The following CIZ1 variants were observed in gnomAD, a reference collection of about 807,000 sequenced individuals.
CIZ1 encodes CDKN1A interacting zinc finger protein 1, also known as cip1-interacting zinc finger protein.
Under a neutral mutation model 118.6 loss-of-function variants are expected in CIZ1, and 58 were observed. The observed-to-expected ratio is 0.49, with a 90% CI of 0.40 to 0.61. The LOEUF (loss-of-function observed/expected upper bound fraction) is 0.61, where lower values mean the gene tolerates loss of function less well. CIZ1 is among the 20% of genes least tolerant of loss of function. The pLI, the probability that CIZ1 is intolerant of heterozygous loss-of-function variation, is 0.00. For missense variants in CIZ1, 921 were observed against 1,115.9 expected (o/e 0.83, Z 2.49); for synonymous variants, 448 against 443.4 (o/e 1.01, Z -0.13).
chr9:128,191,863 G>A, upstream of CIZ1: 1 of 1,469,620 alleles, frequency 6.8e-7, no homozygotes, highest in Non-Finnish European at 9.0e-7. This position sits in a 1 kb window ranked among gnomAD's most constrained non-coding sequence, Gnocchi z 5.5. Context: ...ACCTCCCTGC[G>A]GCCGCCGCGG....
chr9:128,173,069 A>G (rs933247365), intron 11 of CIZ1, among the ~76,000 whole-genome samples: 2 of 151,260 alleles, frequency 1.3e-5, no homozygotes, highest in African/African-American at 4.9e-5. Flanking sequence ...GGCTCGAGCA[A>G]TCCTCCCACC....
Position 128,203,427 on chromosome 9 carries a change from C to A in CIZ1, c.-6+759G>T. On this transcript the variant is annotated intron_variant, in intron 1 of 17. Coordinates refer to the CIZ1 transcript ENST00000372948. The surrounding 1 kb of genome is among the most constrained non-coding windows in gnomAD (Gnocchi z 5.3). ...GCGGAGCCGGAGTCGGAGCCGGGAG[C>A]GCTAGCGGCAGCCGGATCGCAGCCT... 2 of 1,414,960 alleles carry A rather than the reference C, an allele frequency of 1.4e-6. No homozygotes were observed. The highest frequency in any genetic ancestry group is 1.9e-6 in the Non-Finnish European group (2 of 1,080,588). 87.7% of individuals were successfully genotyped at this position (1,414,960 alleles called of 1,614,324 possible).
At chr9:128,176,167 G>A (rs1278023532) in intron 11 of CIZ1, among the ~76,000 whole-genome samples, 184 bp downstream of exon 11, 4 of 152,176 alleles carry the variant, frequency 2.6e-5, no homozygotes, top group East Asian at 3.8e-4. Flanking sequence ...TACTATATCC[G>A]TCACCAAGCC....
In CIZ1 at chr9:128,179,427, C is replaced by A. The variant is rs45442198; in HGVS notation, c.792-12G>T. 3.3e-3 allele frequency: 4,981 copies of A among 1,525,434 alleles called. 87 individuals carry two copies. The East Asian group carries it at 0.047, about 14-fold the overall frequency. The allele number at this position is 1,525,434 out of a possible 1,614,324, so 94.5% of individuals were successfully genotyped here. On this transcript the variant is annotated splice_polypyrimidine_tract_variant and intron_variant, in intron 7 of 16. Transcript: ENST00000372938. ...TGGGCTCTTCTGAGCTAGGAAGGATCAAAAAAAAATCCCAGTCATGTCTTC... is the reference window on the plus strand; with the variant it reads ...TGGGCTCTTCTGAGCTAGGAAGGATAAAAAAAAAATCCCAGTCATGTCTTC...
Position 128,203,697 on chromosome 9 carries a change from G to A in CIZ1, c.-6+489C>T. The A allele has an allele frequency of 7.4e-7, 1 of 1,358,814 alleles. No individual in the cohort carries two copies. Among genetic ancestry groups the A allele is most frequent in the Non-Finnish European group, 9.5e-7 (1 of 1,056,724 alleles). 84.2% of individuals were successfully genotyped at this position (1,358,814 alleles called of 1,614,324 possible). A position where few individuals can be genotyped will look rare whatever the true frequency, so the allele number is the denominator to read the frequency against. On this transcript the variant is annotated intron_variant, in intron 1 of 17. Coordinates refer to the CIZ1 transcript ENST00000372948. This position sits in a 1 kb window ranked among gnomAD's most constrained non-coding sequence, Gnocchi z 5.3. ...GGGATCCCTGGAGTCCCCGCCCGGGGCACTGACGGCGCGGCGACCTCGCAG... is the reference window on the plus strand; with the variant it reads ...GGGATCCCTGGAGTCCCCGCCCGGGACACTGACGGCGCGGCGACCTCGCAG...
intron 5 of CIZ1, among the ~76,000 whole-genome samples, chr9:128,183,482 T>C (rs45532442): frequency 1.7e-3 from 255 of 152,262 alleles, no homozygotes; most frequent in African/African-American, 5.9e-3. Context: ...TGGCCCGCCC[T>C]GGAGTGGCCA....
At chr9:128,180,919 G>A (rs1052154082) in intron 5 of CIZ1, 105 bp from the exon 6 acceptor site, 7 of 807,012 alleles carry the variant, frequency 8.7e-6, no homozygotes, top group Non-Finnish European at 1.4e-5. Context: ...ACAGGGCCCT[G>A]AGGACCTCTG....
Position 128,169,041 on chromosome 9 carries a change from C to A in CIZ1, c.2295+11G>T, listed in dbSNP as rs1829797207. 1 of 1,613,624 alleles carries A rather than the reference C, an allele frequency of 6.2e-7. No homozygotes were observed. Among genetic ancestry groups the A allele is most frequent in the South Asian group, 1.1e-5 (1 of 91,042 alleles). ...GCACCAAGCCCGCCTCCCACACCCT[C>A]CCCCCAGCACCTGCTTGCAGAGTTC... On this transcript the variant is annotated intron_variant, in intron 14 of 16. Coordinates refer to ENST00000372938, the MANE Select transcript of CIZ1 (RefSeq NM_001131016.2).
chr9:128,192,598 A>C (rs1057194775), upstream of CIZ1, among the ~76,000 whole-genome samples: 12 of 152,072 alleles, frequency 7.9e-5, no homozygotes, highest in Non-Finnish European at 1.8e-4. Context: ...GCTGAAGTGC[A>C]GTGGCACGAT....
chr9:128,189,379 G>A (rs2131020336), intron 3 of CIZ1, among the ~76,000 whole-genome samples: 1 of 152,328 alleles, frequency 6.6e-6, no homozygotes, highest in South Asian at 2.1e-4. Context: ...ATGTGGCCCT[G>A]ACAGGTCCAC....
rs897420663 is a variant in CIZ1 at position 128,191,395 on chromosome 9, G to A, written c.-6+37C>T. The A allele has an allele frequency of 1.2e-6, 1 of 822,788 alleles. No homozygotes were observed. The highest frequency in any genetic ancestry group is 6.2e-5 in the Admixed American group (1 of 16,254). The allele number at this position is 822,788 out of a possible 1,614,324, so 51.0% of individuals were successfully genotyped here. A position where few individuals can be genotyped will look rare whatever the true frequency, so the allele number is the denominator to read the frequency against. The stretch of plus-strand genomic sequence containing the variant: ...CTCCGCAGACACAGCCAGCTCGCAG[G>A]CGGAGCCCCACGACCCAGCCGCCCC... On this transcript the variant is annotated intron_variant, in intron 1 of 16. Coordinates refer to ENST00000372938, the MANE Select transcript of CIZ1 (RefSeq NM_001131016.2). The surrounding 1 kb of genome is among the most constrained non-coding windows in gnomAD (Gnocchi z 5.5).
intron 3 of CIZ1, among the ~76,000 whole-genome samples, chr9:128,189,824 CAAAAAAAAAAAAAA>C (rs56177059): frequency 6.6e-4 from 28 of 42,278 alleles, no homozygotes; most frequent in East Asian, 2.3e-3. Context: ...AACTCTGTCT[CAAAAAAAAAAAAAA>C]AAAAAAAAAA....
At chr9:128,194,435 T>C (rs2131040827), upstream of CIZ1, among the ~76,000 whole-genome samples, 1 of 151,584 alleles carries the variant, frequency 6.6e-6, no homozygotes, top group African/African-American at 2.4e-5. Flanking sequence ...TGTAGGAGTC[T>C]AGCCTAAGAA....
chr9:128,190,113 T>C (rs1832943045), intron 3 of CIZ1, among the ~76,000 whole-genome samples: 1 of 152,210 alleles, frequency 6.6e-6, no homozygotes, highest in African/African-American at 2.4e-5. Flanking sequence ...GCCAGCACCA[T>C]GGCCAAGGAC....
intron 3 of CIZ1, 90 bp from the exon 4 acceptor site, chr9:128,188,024 T>G: frequency 3.5e-6 from 1 of 289,152 alleles, no homozygotes. Flanking sequence ...AAACAACATA[T>G]TCATCCCAGG....
In CIZ1 at chr9:128,190,757, T is replaced by TGCTGCTGCTGCAATTGCTGCTGCTGGA; in HGVS notation, c.74_100dup (p.Leu25_Gln33dup). ...GAGCAGCTGCTGGAGCTGCAGTAAC[T>TGCTGCTGCTGCAATTGCTGCTGCTGGA]GCTGCTGCTGCAATTGCTGCTGCTG... On this transcript the variant is annotated inframe_insertion, in exon 2 of 17. Transcript: ENST00000372938. The TGCTGCTGCTGCAATTGCTGCTGCTGGA allele has an allele frequency of 6.5e-7, 1 of 1,540,130 alleles. No individual in the cohort carries two copies. Among genetic ancestry groups the TGCTGCTGCTGCAATTGCTGCTGCTGGA allele is most frequent in the African/African-American group, 1.4e-5 (1 of 73,048 alleles).
chr9:128,166,737 C>T lies in CIZ1; in HGVS notation c.2487+22G>A. 2.5e-6 allele frequency: 4 copies of T among 1,614,096 alleles called. No individual in the cohort carries two copies. The highest frequency in any genetic ancestry group is 1.7e-5 in the Admixed American group (1 of 60,026). Reference sequence around the variant, plus strand: ...GACTAAGTCTGTGGCCAGGGGAGGACAGGGCAGGATGTCCGGCTCACCTGC... The same window carrying T: ...GACTAAGTCTGTGGCCAGGGGAGGATAGGGCAGGATGTCCGGCTCACCTGC... On this transcript the variant is annotated intron_variant, in intron 16 of 16. Transcript: ENST00000372938. The surrounding 1 kb of genome is among the most constrained non-coding windows in gnomAD (Gnocchi z 4.4).
At chr9:128,171,782 G>C (rs890355398) in intron 11 of CIZ1, among the ~76,000 whole-genome samples, 2 of 151,644 alleles carry the variant, frequency 1.3e-5, no homozygotes, top group African/African-American at 2.4e-5. Flanking sequence ...ATTTTACAAG[G>C]GGAGAGCAAC....
chr9:128,194,254 C>G (rs1178555869), upstream of CIZ1, among the ~76,000 whole-genome samples: 1 of 147,444 alleles, frequency 6.8e-6, no homozygotes, highest in Non-Finnish European at 1.5e-5. Flanking sequence ...CCCAGCTACT[C>G]GGGAGGATGA....
Sources: allele counts gnomAD v4.1 joint callset (sites outside exome capture counted in the v4.1 genomes callset), GRCh38; gene constraint gnomAD v4.1.1; non-coding constraint Gnocchi (gnomAD v3.1); transcripts MANE v1.5; gene names NCBI Gene and HGNC (gene_info 2026-07-23, HGNC 2026-07-21).